SLC24A3: variants seen among roughly 807,000 people sequenced by gnomAD.
The protein encoded by SLC24A3 is sodium/potassium/calcium exchanger 3.
A neutral mutation model predicts 75.8 loss-of-function variants in SLC24A3; 28 were observed. That is an observed-to-expected ratio of 0.37 (90% CI 0.27 to 0.51). SLC24A3 has a LOEUF of 0.51. Among genes scored for constraint, SLC24A3 ranks in the 20% least tolerant of loss-of-function variants. The pLI is 0.94. For synonymous variants in SLC24A3, 372 were observed against 334.1 expected, an observed-to-expected ratio of 1.11 and a Z score of -1.24; for missense variants, 663 against 847.8, an observed-to-expected ratio of 0.78 and a Z score of 2.71.
chr20:19,220,913 T>C (rs978571535), intron 1 of SLC24A3, among the ~76,000 whole-genome samples: 1 of 152,236 alleles, frequency 6.6e-6, no homozygotes, highest in Non-Finnish European at 1.5e-5. Flanking sequence ...CTTTACCTTA[T>C]CACAAGCACA....
chr20:19,606,253 C>G (rs2031596645), intron 6 of SLC24A3, among the ~76,000 whole-genome samples: 1 of 152,202 alleles, frequency 6.6e-6, no homozygotes. Context: ...TTGTCATGTT[C>G]TAGTTACTGC....
At chr20:19,673,371 AAC>A (rs2032490291) in intron 8 of SLC24A3, among the ~76,000 whole-genome samples, 1 of 152,218 alleles carries the variant, frequency 6.6e-6, no homozygotes, top group African/African-American at 2.4e-5. Context: ...GGTGACAAAT[AAC>A]AGAGAGGAAG....
intron 8 of SLC24A3, among the ~76,000 whole-genome samples, chr20:19,666,135 T>C (rs1328408272): frequency 6.6e-6 from 1 of 152,168 alleles, no homozygotes; most frequent in African/African-American, 2.4e-5. Flanking sequence ...TAAATGTCTT[T>C]ATTATCCTAT....
chr20:19,581,368 T>C (rs2122633199), intron 4 of SLC24A3, among the ~76,000 whole-genome samples: 1 of 152,330 alleles, frequency 6.6e-6, no homozygotes, highest in Middle Eastern at 3.4e-3. Context: ...ATTTTTTTGG[T>C]GTGAATATCA....
chr20:19,302,657 G>A (rs970152873), intron 2 of SLC24A3, among the ~76,000 whole-genome samples: 1 of 152,148 alleles, frequency 6.6e-6, no homozygotes, highest in Non-Finnish European at 1.5e-5. Flanking sequence ...ATATAAGTAT[G>A]CATAAGCACT....
intron 6 of SLC24A3, among the ~76,000 whole-genome samples, chr20:19,615,554 C>T (rs1037854544): frequency 2.6e-5 from 4 of 152,170 alleles, no homozygotes; most frequent in Non-Finnish European, 4.4e-5. Context: ...TACACACTTT[C>T]AAACAACCAG....
intron 6 of SLC24A3, among the ~76,000 whole-genome samples, chr20:19,618,108 G>A (rs2031760133): frequency 6.6e-6 from 1 of 152,052 alleles, no homozygotes; most frequent in Admixed American, 6.5e-5. Context: ...AACATGTTTG[G>A]TACTAGTGGT....
chr20:19,461,392 T>C (rs1162215928), intron 2 of SLC24A3, among the ~76,000 whole-genome samples: 1 of 152,128 alleles, frequency 6.6e-6, no homozygotes, highest in Non-Finnish European at 1.5e-5. Flanking sequence ...TATGCACATA[T>C]ATACATATAC....
intron 2 of SLC24A3, among the ~76,000 whole-genome samples, chr20:19,483,274 A>C (rs1341197966): frequency 4.6e-5 from 7 of 152,176 alleles, no homozygotes; most frequent in Admixed American, 2.0e-4. Context: ...AACTAACAAT[A>C]GCTTCTTAGC....
chr20:19,617,423 C>A (rs563926491), intron 6 of SLC24A3, among the ~76,000 whole-genome samples: 2 of 152,176 alleles, frequency 1.3e-5, no homozygotes, highest in Non-Finnish European at 2.9e-5. Context: ...GCCCTTCTCC[C>A]GCTGCCTCTA....
intron 3 of SLC24A3, among the ~76,000 whole-genome samples, chr20:19,543,619 A>G (rs986919009): frequency 1.3e-5 from 2 of 151,786 alleles, no homozygotes; most frequent in African/African-American, 4.8e-5. Flanking sequence ...GGAGAGGTCC[A>G]CTCCCACCGG....
At chr20:19,308,463 G>C (rs150581718) in intron 2 of SLC24A3, among the ~76,000 whole-genome samples, 4 of 152,170 alleles carry the variant, frequency 2.6e-5, no homozygotes, top group Non-Finnish European at 5.9e-5. Flanking sequence ...GTCTGCCTCC[G>C]CAGTCCTCAG....
intron 3 of SLC24A3, among the ~76,000 whole-genome samples, chr20:19,529,524 C>T (rs1289496207): frequency 2.0e-5 from 3 of 152,194 alleles, no homozygotes; most frequent in East Asian, 3.9e-4. Context: ...TTGATCAGGC[C>T]GCTGCCCATG....
chr20:19,637,124 C>A (rs1365192140), intron 6 of SLC24A3, among the ~76,000 whole-genome samples: 2 of 146,010 alleles, frequency 1.4e-5, no homozygotes, highest in Non-Finnish European at 3.1e-5. Flanking sequence ...CATGGCAAAA[C>A]CCCGTCTCTA....
At chr20:19,247,925 A>G (rs1301194511) in intron 1 of SLC24A3, among the ~76,000 whole-genome samples, 2 of 152,170 alleles carry the variant, frequency 1.3e-5, no homozygotes, top group Non-Finnish European at 2.9e-5. Context: ...ATTTTCTCTC[A>G]GCCTCAGTTT....
intron 1 of SLC24A3, among the ~76,000 whole-genome samples, chr20:19,222,403 G>A (rs1339834928): frequency 6.6e-6 from 1 of 152,218 alleles, no homozygotes; most frequent in Admixed American, 6.5e-5. Context: ...TGCAAAGGAG[G>A]GTCTTGTTGA....
chr20:19,328,619 A>C (rs1984924943), intron 2 of SLC24A3, among the ~76,000 whole-genome samples: 1 of 152,104 alleles, frequency 6.6e-6, no homozygotes, highest in African/African-American at 2.4e-5. Context: ...TGGCCTGAGC[A>C]GTTGTAGGAG....
chr20:19,245,596 T>A (rs1982463752), intron 1 of SLC24A3, among the ~76,000 whole-genome samples: 1 of 152,026 alleles, frequency 6.6e-6, no homozygotes, highest in Admixed American at 6.5e-5. Flanking sequence ...GCACAAATGG[T>A]TGAAAATAAA....
chr20:19,597,107 G>A (rs952587083), intron 6 of SLC24A3, among the ~76,000 whole-genome samples: 1 of 152,132 alleles, frequency 6.6e-6, no homozygotes, highest in African/African-American at 2.4e-5. Flanking sequence ...TTTTTGCTAG[G>A]CACTGTGGCT....
Sources: gnomAD v4.1 joint callset for allele counts (sites outside exome capture counted in the v4.1 genomes callset) on GRCh38, gnomAD v4.1.1 for gene constraint, MANE v1.5 for transcripts, NCBI Gene and HGNC (gene_info 2026-07-23, HGNC 2026-07-21) for gene names.